CNTN3: variants seen among roughly 807,000 people sequenced by gnomAD.
CNTN3 encodes the protein contactin 3, also known as contactin-3.
Under a neutral mutation model 119.1 loss-of-function variants are expected in CNTN3, and 60 were observed. The observed-to-expected ratio is 0.50, with a 90% CI of 0.41 to 0.62. The LOEUF is 0.62. Ranked by LOEUF, CNTN3 falls within the 20% of genes least tolerant of loss-of-function variation. The pLI is 0.00. For missense variants in CNTN3, 1,101 were observed against 1,242.4 expected, an observed-to-expected ratio of 0.89 and a Z score of 1.71; for synonymous variants, 450 against 438.7, an observed-to-expected ratio of 1.03 and a Z score of -0.32.
intron 11 of CNTN3, among the ~76,000 whole-genome samples, chr3:74,349,217 G>A (rs191027019): frequency 6.6e-6 from 1 of 152,308 alleles, no homozygotes; most frequent in East Asian, 1.9e-4. Flanking sequence ...CAGAGGCTTA[G>A]AGTACAAACA....
At chr3:74,493,664 G>T (rs1703007688) in intron 3 of CNTN3, among the ~76,000 whole-genome samples, 1 of 152,092 alleles carries the variant, frequency 6.6e-6, no homozygotes, top group Admixed American at 6.6e-5. Flanking sequence ...GGTTTTAGAT[G>T]CAGCTTTCAA....
intron 1 of CNTN3, among the ~76,000 whole-genome samples, chr3:74,590,048 T>A (rs181887763): frequency 6.6e-6 from 1 of 151,544 alleles, no homozygotes; most frequent in Non-Finnish European, 1.5e-5. Context: ...GCATGGCACA[T>A]GTATACATAT....
intron 20 of CNTN3, among the ~76,000 whole-genome samples, chr3:74,278,958 C>T (rs934927203): frequency 1.3e-5 from 2 of 151,882 alleles, no homozygotes; most frequent in Admixed American, 6.6e-5. Context: ...AGGACATGAA[C>T]AGACAATTCT....
intron 1 of CNTN3, among the ~76,000 whole-genome samples, chr3:74,524,298 G>C (rs1703584596): frequency 6.6e-6 from 1 of 151,850 alleles, no homozygotes; most frequent in Non-Finnish European, 1.5e-5. Flanking sequence ...ATTCTAGAGG[G>C]AGGTGGAGGT....
At chr3:74,427,418 A>G (rs1701713225) in intron 4 of CNTN3, among the ~76,000 whole-genome samples, 1 of 152,174 alleles carries the variant, frequency 6.6e-6, no homozygotes, top group Non-Finnish European at 1.5e-5. Flanking sequence ...AAGAACATAC[A>G]TGTTACAGTC....
intron 13 of CNTN3, among the ~76,000 whole-genome samples, chr3:74,332,569 G>A (rs923012692): frequency 6.6e-6 from 1 of 152,154 alleles, no homozygotes; most frequent in Non-Finnish European, 1.5e-5. Flanking sequence ...TTAACTCCAA[G>A]CTTTTCTGAA....
intron 1 of CNTN3, among the ~76,000 whole-genome samples, chr3:74,547,889 T>G (rs1703936621): frequency 6.6e-6 from 1 of 152,198 alleles, no homozygotes; most frequent in Admixed American, 6.5e-5. Flanking sequence ...AAATTAAACA[T>G]GTAGCCTCCT....
intron 19 of CNTN3, among the ~76,000 whole-genome samples, chr3:74,285,790 G>GATAGATATAT (rs1395730243): frequency 8.8e-5 from 5 of 56,544 alleles, no homozygotes; most frequent in South Asian, 1.1e-3. Context: ...ATGAAGGGGA[G>GATAGATATAT]ATATATATAT....
intron 1 of CNTN3, among the ~76,000 whole-genome samples, chr3:74,553,417 A>G (rs1446441698): frequency 2.6e-5 from 4 of 152,166 alleles, no homozygotes; most frequent in Non-Finnish European, 1.5e-5. Context: ...TGTCTTTATC[A>G]TAGAATGATT....
intron 1 of CNTN3, among the ~76,000 whole-genome samples, chr3:74,595,144 G>T (rs1704782725): frequency 6.6e-6 from 1 of 151,706 alleles, no homozygotes; most frequent in African/African-American, 2.4e-5. Flanking sequence ...TGATGCGGCT[G>T]TTTTTTTCTT....
chr3:74,524,915 G>T (rs993914005), intron 1 of CNTN3, among the ~76,000 whole-genome samples: 5 of 151,802 alleles, frequency 3.3e-5, no homozygotes, highest in African/African-American at 1.2e-4. Flanking sequence ...TGCACAAACA[G>T]AAAGAAGACT....
intron 3 of CNTN3, among the ~76,000 whole-genome samples, chr3:74,494,607 T>G (rs1215583346): frequency 1.3e-5 from 2 of 152,090 alleles, no homozygotes; most frequent in Non-Finnish European, 2.9e-5. Flanking sequence ...TAAGAATATC[T>G]TACAGAATCA....
chr3:74,358,402 A>G (rs1024367463), intron 11 of CNTN3, among the ~76,000 whole-genome samples: 3 of 151,796 alleles, frequency 2.0e-5, no homozygotes, highest in Non-Finnish European at 4.4e-5. Context: ...CCTTAAAAAC[A>G]CAATCTCAAT....
At chr3:74,450,612 C>T (rs958579711) in intron 4 of CNTN3, among the ~76,000 whole-genome samples, 2 of 150,890 alleles carry the variant, frequency 1.3e-5, no homozygotes, top group African/African-American at 4.9e-5. Flanking sequence ...GCTGCACCCA[C>T]TAACTCGTCA....
rs1701622194 is a variant in CNTN3 at position 74,264,019 on chromosome 3, A to G, written c.*382T>C. 6.5e-6 allele frequency: 1 copy of G among 154,658 alleles called. No individual in the cohort carries two copies. Among genetic ancestry groups the G allele is most frequent in the Non-Finnish European group, 1.4e-5 (1 of 69,550 alleles). The allele number at this position is 154,658 out of a possible 1,614,324, so 9.6% of individuals were successfully genotyped here. On this transcript the variant is annotated 3_prime_UTR_variant, in exon 23 of 23. Transcript: ENST00000263665. ...CTGGTTAAGTCTTCCAAATAATGCT[A>G]TTATAATGGGAAAATAGCATTTGAA...
At chr3:74,314,700 T>C (rs763395932) in intron 13 of CNTN3, among the ~76,000 whole-genome samples, 22 of 152,184 alleles carry the variant, frequency 1.4e-4, no homozygotes, top group Non-Finnish European at 2.5e-4. Context: ...AGTATCATAT[T>C]TGGAGACTTC....
chr3:74,465,622 C>A (rs149312816), intron 4 of CNTN3, among the ~76,000 whole-genome samples: 1 of 152,284 alleles, frequency 6.6e-6, no homozygotes, highest in African/African-American at 2.4e-5. Flanking sequence ...ATGCATTTCT[C>A]CATACAAAGA....
intron 1 of CNTN3, among the ~76,000 whole-genome samples, chr3:74,548,778 C>A (rs1193468603): frequency 6.6e-6 from 1 of 152,074 alleles, no homozygotes; most frequent in Non-Finnish European, 1.5e-5. Context: ...TTTCTAAGAA[C>A]CTGCTGGCTT....
At chr3:74,401,615 G>A (rs1242674151) in intron 5 of CNTN3, among the ~76,000 whole-genome samples, 1 of 152,098 alleles carries the variant, frequency 6.6e-6, no homozygotes, top group East Asian at 1.9e-4. Flanking sequence ...CAATGTATGA[G>A]ACACTTCTTT....
Sources: gnomAD v4.1 joint callset for allele counts (sites outside exome capture counted in the v4.1 genomes callset) on GRCh38, gnomAD v4.1.1 for gene constraint, MANE v1.5 for transcripts, NCBI Gene and HGNC (gene_info 2026-07-23, HGNC 2026-07-21) for gene names.